The following DCAF8 variants were observed in gnomAD, a reference collection of about 807,000 sequenced individuals.
DCAF8 encodes DDB1- and CUL4-associated factor 8.
A neutral mutation model predicts 68.0 loss-of-function variants in DCAF8; 20 were observed. The observed-to-expected ratio is 0.29, with a 90% confidence interval of 0.21 to 0.43. The LOEUF is 0.43. DCAF8 is among the 20% of genes least tolerant of loss of function. The pLI, the probability that DCAF8 is intolerant of heterozygous loss-of-function variation, is 1.00. For synonymous variants in DCAF8, 230 were observed against 276.9 expected, an observed-to-expected ratio of 0.83 and a Z score of 1.68; for missense variants, 460 against 771.0, an observed-to-expected ratio of 0.60 and a Z score of 4.78.
intron 7 of DCAF8, among the ~76,000 whole-genome samples, chr1:160,227,262 G>A (rs889240324): frequency 1.3e-5 from 2 of 152,166 alleles, no homozygotes; most frequent in Non-Finnish European, 2.9e-5. Flanking sequence ...GTGCTTCAGG[G>A]AAGGAGTAAT....
At chr1:160,227,410 A>G (rs1200477374) in intron 7 of DCAF8, among the ~76,000 whole-genome samples, 1 of 152,212 alleles carries the variant, frequency 6.6e-6, no homozygotes, top group Non-Finnish European at 1.5e-5. Flanking sequence ...GACTACAGGC[A>G]CACACCACCA....
chr1:160,238,785 A>G, intron 4 of DCAF8, 38 bp from the exon 5 acceptor site: 1 of 1,562,238 alleles, frequency 6.4e-7, no homozygotes. Flanking sequence ...CACACAAAAG[A>G]AATGAGAGAG....
Position 160,240,287 on chromosome 1 carries a change from C to T in DCAF8, c.133G>A (p.Asp45Asn), listed in dbSNP as rs1168255767. ...TSSGIEVEASDLSLSLTGDDG... is the reference protein window; with the variant it reads ...TSSGIEVEASNLSLSLTGDDG... ...TCCCCAGTCAAGCTCAAACTCAGGT[C>T]TGAGGCCTCCACTTCAATGCCTGAG... The change falls in exon 4 of 14, where the codon GAC becomes AAC. Residue 45 changes from aspartate (D) to asparagine (N), a missense_variant. By Grantham distance (23) the Asp-to-Asn change is conservative. Transcript: ENST00000368074. The T allele has an allele frequency of 1.2e-6, 2 of 1,613,914 alleles. No homozygotes were observed. The highest frequency in any genetic ancestry group is 2.7e-5 in the African/African-American group (2 of 74,918).
intron 2 of DCAF8, among the ~76,000 whole-genome samples, chr1:160,244,418 C>G (rs538074260): frequency 5.9e-5 from 9 of 152,236 alleles, no homozygotes; most frequent in Non-Finnish European, 1.2e-4. Flanking sequence ...AGCATTGCCC[C>G]CTAGGCAAGA....
Position 160,216,362 on chromosome 1 carries a change from G to C in DCAF8, c.*1230C>G, listed in dbSNP as rs752665639. 8 of 152,192 alleles carry C rather than the reference G, an allele frequency of 5.3e-5. No homozygotes were observed. The highest frequency in any genetic ancestry group is 8.8e-5 in the Non-Finnish European group (6 of 68,066). The allele number at this position is 152,192 out of a possible 1,614,324, so 9.4% of individuals were successfully genotyped here. On this transcript the variant is annotated 3_prime_UTR_variant, in exon 14 of 14. Coordinates refer to ENST00000368074, the MANE Select transcript of DCAF8 (RefSeq NM_015726.4). ...CTGTCACAAAGTACCACAATAGTCTGCAGTGGTGGCACCACCCTAAAGTAG... is the reference window on the plus strand; with the variant it reads ...CTGTCACAAAGTACCACAATAGTCTCCAGTGGTGGCACCACCCTAAAGTAG...
intron 7 of DCAF8, 135 bp downstream of exon 7, chr1:160,231,162 G>A (rs562770926): frequency 3.0e-6 from 2 of 677,386 alleles, no homozygotes; most frequent in South Asian, 2.0e-5. Context: ...AAGATTTTTG[G>A]AAAACGGTAA....
At chr1:160,256,012 CTTTTTTTTTT>C (rs11284812) in intron 2 of DCAF8, among the ~76,000 whole-genome samples, 2 of 75,526 alleles carry the variant, frequency 2.6e-5, no homozygotes, top group African/African-American at 5.1e-5. Context: ...ACTAAGCAAA[CTTTTTTTTTT>C]TTTTTTTTTT....
intron 7 of DCAF8, among the ~76,000 whole-genome samples, chr1:160,230,116 C>T (rs1001897068): frequency 2.0e-5 from 3 of 152,022 alleles, no homozygotes; most frequent in African/African-American, 7.2e-5. Flanking sequence ...AAGAGAGAAA[C>T]AAGGTTTTGT....
rs193131741 is a variant in DCAF8 at position 160,256,480 on chromosome 1, G to A, written c.-27+4805C>T. 1.6e-3 allele frequency among the ~76,000 whole-genome samples: 238 copies of A among 152,158 alleles called. 1 individual carries two copies. The highest frequency in any genetic ancestry group is 2.3e-3 in the Non-Finnish European group (156 of 68,006). On this transcript the variant is annotated intron_variant, in intron 2 of 13. Transcript: ENST00000368074. ...TTAACAAAACATACCTGGTAATGTGGCAATCATTAAAGTACACCAGAGGAA... is the reference window on the plus strand; with the variant it reads ...TTAACAAAACATACCTGGTAATGTGACAATCATTAAAGTACACCAGAGGAA...
chr1:160,222,841 C>G, intron 10 of DCAF8, 60 bp from the exon 11 acceptor site: 1 of 1,602,092 alleles, frequency 6.2e-7, no homozygotes. Flanking sequence ...TATATACATT[C>G]ATCTCAAAGG....
At chr1:160,259,531 AAAAC>A (rs59315993) in intron 2 of DCAF8, among the ~76,000 whole-genome samples, 2 of 150,626 alleles carry the variant, frequency 1.3e-5, no homozygotes, top group Admixed American at 6.6e-5. Context: ...GACTCGTCAA[AAAAC>A]AAACAAACAA....
At chr1:160,253,010 C>T (rs1198949961) in intron 2 of DCAF8, among the ~76,000 whole-genome samples, 1 of 152,132 alleles carries the variant, frequency 6.6e-6, no homozygotes, top group Non-Finnish European at 1.5e-5. Flanking sequence ...AGAGAAACTT[C>T]AAAATCAAAC....
intron 2 of DCAF8, among the ~76,000 whole-genome samples, chr1:160,257,251 C>T (rs1369783470): frequency 6.6e-6 from 1 of 151,218 alleles, no homozygotes; most frequent in Non-Finnish European, 1.5e-5. Context: ...ATTATCTTAG[C>T]TCACTGATAA....
intron 2 of DCAF8, among the ~76,000 whole-genome samples, chr1:160,257,798 A>G (rs1438896601): frequency 2.0e-5 from 3 of 152,156 alleles, no homozygotes; most frequent in Non-Finnish European, 1.5e-5. Context: ...TGCAGTGATC[A>G]CTGCGCAATC....
At chr1:160,223,397 G>A (rs1467768300) in intron 10 of DCAF8, among the ~76,000 whole-genome samples, 1 of 152,028 alleles carries the variant, frequency 6.6e-6, no homozygotes, top group Non-Finnish European at 1.5e-5. Context: ...CTTCTTACCA[G>A]CTCAGGAAAA....
intron 10 of DCAF8, 140 bp downstream of exon 10, chr1:160,224,302 C>T (rs1655396971): frequency 4.8e-6 from 3 of 626,986 alleles, no homozygotes; most frequent in African/African-American, 3.7e-5. Context: ...AACATGAAAA[C>T]TCCAGCCCAA....
At chr1:160,229,947 CG>C (rs1222853699) in intron 7 of DCAF8, among the ~76,000 whole-genome samples, 2 of 151,924 alleles carry the variant, frequency 1.3e-5, no homozygotes, top group African/African-American at 4.8e-5. Context: ...CGCTTGAACC[CG>C]GGAAGCGGAG....
intron 7 of DCAF8, among the ~76,000 whole-genome samples, chr1:160,229,791 G>A (rs1655609775): frequency 6.6e-6 from 1 of 152,214 alleles, no homozygotes; most frequent in Non-Finnish European, 1.5e-5. Context: ...GGAGGCCAAG[G>A]CGGGCAGATC....
intron 2 of DCAF8, among the ~76,000 whole-genome samples, chr1:160,254,768 G>A (rs1029803527): frequency 9.2e-5 from 14 of 151,504 alleles, no homozygotes; most frequent in Admixed American, 3.3e-4. Context: ...ACAGCCTGGC[G>A]ACAAAGCAAG....
Sources: gnomAD v4.1 joint callset for allele counts (sites outside exome capture counted in the v4.1 genomes callset) on GRCh38, gnomAD v4.1.1 for gene constraint, MANE v1.5 for transcripts, NCBI Gene and HGNC (gene_info 2026-07-23, HGNC 2026-07-21) for gene names.